The following AUTS2 variants were observed in gnomAD, a reference collection of about 807,000 sequenced individuals.
AUTS2 encodes the protein autism susceptibility gene 2 protein.
AUTS2 carries 17 observed loss-of-function variants against 112.4 expected under a neutral mutation model. The observed-to-expected ratio is 0.15, with a 90% CI of 0.10 to 0.23. The LOEUF (loss-of-function observed/expected upper bound fraction) is 0.23. AUTS2 is among the 10% of genes least tolerant of loss of function. The probability of loss-of-function intolerance (pLI) is 1.00; values close to 1 mark genes in which losing one functional copy is unlikely to be tolerated. For missense variants in AUTS2, 1,510 were observed against 1,701.6 expected (o/e 0.89, Z 1.98); for synonymous variants, 751 against 702.7 (o/e 1.07, Z -1.09).
chr7:69,602,020 G>GTATA (rs1173266676), intron 1 of AUTS2, among the ~76,000 whole-genome samples: 950 of 67,432 alleles, frequency 0.014, 7 homozygotes, highest in Admixed American at 0.037. Flanking sequence ...ATGTGTGTGT[G>GTATA]TATATATATA....
chr7:70,251,723 C>T (rs1197644939), intron 4 of AUTS2, among the ~76,000 whole-genome samples: 1 of 152,094 alleles, frequency 6.6e-6, no homozygotes, highest in Non-Finnish European at 1.5e-5. Context: ...TCACCAGTAC[C>T]TAATCTATTG....
chr7:69,946,596 ACACACACACACG>A (rs1210808404), intron 2 of AUTS2, among the ~76,000 whole-genome samples: 15 of 147,448 alleles, frequency 1.0e-4, no homozygotes, highest in Non-Finnish European at 1.6e-4. Context: ...ACACACACAC[ACACACACACACG>A]CACGCACACA....
At chr7:69,745,749 G>T (rs915108716) in intron 1 of AUTS2, among the ~76,000 whole-genome samples, 1 of 152,178 alleles carries the variant, frequency 6.6e-6, no homozygotes, top group South Asian at 2.1e-4. Flanking sequence ...TAATCTTGCA[G>T]TTTGTATGGT....
At chr7:70,175,124 T>C (rs961948685) in intron 4 of AUTS2, among the ~76,000 whole-genome samples, 1 of 152,138 alleles carries the variant, frequency 6.6e-6, no homozygotes, top group Non-Finnish European at 1.5e-5. Context: ...AATACCAACA[T>C]GAACAGGAAT....
intron 1 of AUTS2, among the ~76,000 whole-genome samples, chr7:69,695,187 CAT>C (rs1172835569): frequency 6.6e-6 from 1 of 151,884 alleles, no homozygotes; most frequent in Non-Finnish European, 1.5e-5. Flanking sequence ...AAAAAAGTCA[CAT>C]GTGGTGGCAC....
chr7:70,349,498 G>T (rs549226442), intron 4 of AUTS2, among the ~76,000 whole-genome samples: 69 of 152,286 alleles, frequency 4.5e-4, no homozygotes, highest in Non-Finnish European at 1.8e-4. Flanking sequence ...TGTGGCTTAA[G>T]TCATTGGCAC....
At chr7:70,233,433 G>A (rs186044893) in intron 4 of AUTS2, among the ~76,000 whole-genome samples, 32 of 152,180 alleles carry the variant, frequency 2.1e-4, no homozygotes, top group African/African-American at 6.3e-4. Flanking sequence ...AAACATTGTC[G>A]AGATTTCTGA....
intron 4 of AUTS2, among the ~76,000 whole-genome samples, chr7:70,424,781 C>G (rs1003213734): frequency 1.3e-5 from 2 of 152,094 alleles, no homozygotes; most frequent in Admixed American, 1.3e-4. Context: ...GGACAGGGGT[C>G]TCGCTATGTT....
At chr7:70,054,010 C>G (rs1373491047) in intron 2 of AUTS2, among the ~76,000 whole-genome samples, 1 of 152,048 alleles carries the variant, frequency 6.6e-6, no homozygotes, top group Non-Finnish European at 1.5e-5. Flanking sequence ...TCAAGAAAAC[C>G]AAAAGAAAAA....
intron 2 of AUTS2, among the ~76,000 whole-genome samples, chr7:70,070,969 T>G (rs965485077): frequency 3.6e-4 from 55 of 151,968 alleles, no homozygotes; most frequent in African/African-American, 1.3e-3. Context: ...CCTTAACACT[T>G]GAGAATGTGA....
At chr7:70,035,131 C>T (rs1319416813) in intron 2 of AUTS2, among the ~76,000 whole-genome samples, 1 of 152,192 alleles carries the variant, frequency 6.6e-6, no homozygotes, top group East Asian at 1.9e-4. Context: ...TTGCATTTCC[C>T]ATTTTGTACT....
In AUTS2 at chr7:70,327,953, A is replaced by G. The variant is rs1790566625; in HGVS notation, c.661-107799A>G. 2.0e-5 allele frequency among the ~76,000 whole-genome samples: 3 copies of G among 152,260 alleles called. No individual in the cohort carries two copies. In the South Asian group the frequency reaches 6.2e-4, roughly 32 times the overall value. On this transcript the variant is annotated intron_variant, in intron 4 of 18. Transcript: ENST00000342771. ...CATGTGTGGTTAGGCCTTTCTGAATATTGAAAAGAGCTCCCTTATCCCCCA... is the reference window on the plus strand; with the variant it reads ...CATGTGTGGTTAGGCCTTTCTGAATGTTGAAAAGAGCTCCCTTATCCCCCA...
intron 2 of AUTS2, among the ~76,000 whole-genome samples, chr7:70,096,728 A>G (rs1332814899): frequency 1.5e-5 from 2 of 132,898 alleles, no homozygotes; most frequent in African/African-American, 5.8e-5. Flanking sequence ...TATTGAAGCC[A>G]ACTGTGTTGT....
At chr7:70,248,722 T>G (rs927623481) in intron 4 of AUTS2, among the ~76,000 whole-genome samples, 8 of 152,214 alleles carry the variant, frequency 5.3e-5, no homozygotes, top group African/African-American at 1.9e-4. Flanking sequence ...TAAACCATTT[T>G]CATTCTTTTG....
chr7:70,647,126 C>G (rs1020804626), intron 5 of AUTS2, among the ~76,000 whole-genome samples: 1 of 152,210 alleles, frequency 6.6e-6, no homozygotes, highest in African/African-American at 2.4e-5. Flanking sequence ...TCACTGTTGA[C>G]TTGTGTTCCA....
At chr7:70,508,152 C>T (rs1799043495) in intron 5 of AUTS2, among the ~76,000 whole-genome samples, 1 of 151,630 alleles carries the variant, frequency 6.6e-6, no homozygotes, top group African/African-American at 2.4e-5. Context: ...GAGCAGAGGG[C>T]TTTTTTTTGT....
chr7:69,627,571 A>G (rs972050484), intron 1 of AUTS2, among the ~76,000 whole-genome samples: 2 of 152,168 alleles, frequency 1.3e-5, no homozygotes, highest in Non-Finnish European at 2.9e-5. Context: ...CAATGTAGAA[A>G]GTGGTAGGAT....
At chr7:70,241,015 TGCTGGAGAATCC>T in intron 4 of AUTS2, among the ~76,000 whole-genome samples, 1 of 152,190 alleles carries the variant, frequency 6.6e-6, no homozygotes, top group Admixed American at 6.5e-5. Context: ...CATCCCCAAG[TGCTGGAGAATCC>T]ATGAAGTCAG....
chr7:70,208,740 G>C (rs1022511670), intron 4 of AUTS2, among the ~76,000 whole-genome samples: 2 of 151,816 alleles, frequency 1.3e-5, no homozygotes, highest in Non-Finnish European at 2.9e-5. Context: ...GTGAGTTAAG[G>C]GGAGGCCTTT....
Sources: gnomAD v4.1 joint callset for allele counts (sites outside exome capture counted in the v4.1 genomes callset) on GRCh38, gnomAD v4.1.1 for gene constraint, MANE v1.5 for transcripts, NCBI Gene and HGNC (gene_info 2026-07-23, HGNC 2026-07-21) for gene names.